The following DNAH7 variants were observed in gnomAD, a reference collection of about 807,000 sequenced individuals.
DNAH7 encodes the protein dynein axonemal heavy chain 7.
Under a neutral mutation model 444.6 loss-of-function variants are expected in DNAH7, and 397 were observed. The observed-to-expected ratio is 0.89, with a 90% confidence interval of 0.82 to 0.97. The LOEUF (loss-of-function observed/expected upper bound fraction) is 0.97, where lower values mean the gene tolerates loss of function less well. Ranked by LOEUF, DNAH7 falls within the 50% of genes least tolerant of loss-of-function variation. The pLI, the probability that DNAH7 is intolerant of heterozygous loss-of-function variation, is 0.00. For missense variants in DNAH7, 4,902 were observed against 4,800.8 expected (o/e 1.02, Z -0.62); for synonymous variants, 1,636 against 1,624.4 (o/e 1.01, Z -0.17).
intron 10 of DNAH7, among the ~76,000 whole-genome samples, chr2:196,002,386 G>C (rs1340903325): frequency 2.6e-5 from 4 of 152,254 alleles, no homozygotes; most frequent in South Asian, 4.1e-4. Context: ...TATCCTGAAA[G>C]AGTGTCTGAT....
chr2:195,979,681 G>A (rs1056184972), intron 15 of DNAH7, among the ~76,000 whole-genome samples: 16 of 151,702 alleles, frequency 1.1e-4, no homozygotes, highest in African/African-American at 3.6e-4. Flanking sequence ...CTGAAAAGTT[G>A]GTTTTATGAA....
intron 3 of DNAH7, among the ~76,000 whole-genome samples, chr2:196,050,386 T>C (rs1397577014): frequency 6.6e-6 from 1 of 152,168 alleles, no homozygotes; most frequent in Non-Finnish European, 1.5e-5. Context: ...GGTTGCTGTT[T>C]AGTCAGATGA....
chr2:196,057,312 T>C (rs1287553557), intron 2 of DNAH7, among the ~76,000 whole-genome samples: 1 of 152,186 alleles, frequency 6.6e-6, no homozygotes, highest in Non-Finnish European at 1.5e-5. Context: ...GAAGAGATTA[T>C]TCAACTCAGC....
chr2:195,987,310 T>A (rs1182376339), intron 13 of DNAH7, 117 bp from the exon 14 acceptor site: 2 of 661,304 alleles, frequency 3.0e-6, no homozygotes, highest in Admixed American at 7.4e-5. Context: ...TTGAGATTTT[T>A]AAAAATATAT....
At chr2:195,907,197 G>C (rs891132188) in intron 25 of DNAH7, among the ~76,000 whole-genome samples, 188 bp from the exon 26 acceptor site, 3 of 151,532 alleles carry the variant, frequency 2.0e-5, no homozygotes, top group South Asian at 4.1e-4. Flanking sequence ...AAAAGAGTTT[G>C]ATCAATTGGA....
chr2:196,021,693 G>A (rs760838189), intron 8 of DNAH7, among the ~76,000 whole-genome samples: 1 of 151,646 alleles, frequency 6.6e-6, no homozygotes, highest in Non-Finnish European at 1.5e-5. Flanking sequence ...ATAGTGATAC[G>A]CACCTGTGGT....
intron 33 of DNAH7, among the ~76,000 whole-genome samples, chr2:195,887,600 A>G (rs1454902667): frequency 6.6e-6 from 1 of 152,096 alleles, no homozygotes; most frequent in African/African-American, 2.4e-5. Flanking sequence ...ATTTTTTGTT[A>G]TATCTTCAAC....
At chr2:195,924,700 TA>T (rs34380102) in intron 22 of DNAH7, among the ~76,000 whole-genome samples, 152,198 of 152,284 alleles carry the variant, frequency 1, 76,056 homozygotes, top group Non-Finnish European at 1. Context: ...GTCCCTCTAG[TA>T]ACTCTCACAT....
intron 17 of DNAH7, among the ~76,000 whole-genome samples, chr2:195,965,136 T>C (rs1425316905): frequency 6.6e-6 from 1 of 152,184 alleles, no homozygotes; most frequent in Non-Finnish European, 1.5e-5. Flanking sequence ...TGTTGAGGTA[T>C]GTTCCTTCAA....
chr2:195,765,596 C>T (rs1694534869), intron 61 of DNAH7, among the ~76,000 whole-genome samples: 1 of 152,086 alleles, frequency 6.6e-6, no homozygotes, highest in Non-Finnish European at 1.5e-5. Context: ...CAAAAGAAGA[C>T]ATACAAATGG....
chr2:195,747,982 C>T (rs572730835), intron 63 of DNAH7, among the ~76,000 whole-genome samples: 9 of 152,080 alleles, frequency 5.9e-5, no homozygotes, highest in African/African-American at 9.7e-5. Context: ...AAGTTCTGGC[C>T]AGGGCAATCA....
chr2:195,865,575 A>G (rs1288416177), intron 40 of DNAH7, among the ~76,000 whole-genome samples: 1 of 152,202 alleles, frequency 6.6e-6, no homozygotes, highest in Non-Finnish European at 1.5e-5. Flanking sequence ...TACAGAGAGC[A>G]ATCTACTAAA....
At chr2:195,878,610 T>C (rs1574645547) in intron 36 of DNAH7, among the ~76,000 whole-genome samples, 1 of 151,940 alleles carries the variant, frequency 6.6e-6, no homozygotes, top group East Asian at 1.9e-4. Flanking sequence ...TCAAAAATAA[T>C]AAAATAATGA....
intron 63 of DNAH7, among the ~76,000 whole-genome samples, chr2:195,754,001 T>C (rs1441814395): frequency 2.0e-5 from 3 of 152,212 alleles, no homozygotes; most frequent in Non-Finnish European, 2.9e-5. Context: ...ATGCTGTTAA[T>C]TTGATGATTA....
chr2:195,754,393 A>G lies in DNAH7; in HGVS notation c.11708T>C (p.Leu3903Pro). The change falls in exon 63 of 65, where the codon CTT (leucine) becomes CCT (proline). Residue 3903 changes from leucine to proline, a missense_variant. Leu to Pro is a moderately conservative substitution (Grantham distance 98). Coordinates refer to ENST00000312428, the MANE Select transcript of DNAH7 (RefSeq NM_018897.3). ...ARKYTIPIDL[L>P]GFDYEVMEDK... is the part of the protein sequence containing the mutation. ...TTCCATCACTTCATAGTCAAACCCA[A>G]GAAGATCAATAGGAATTGTGTATTT... is the stretch of plus-strand genomic sequence containing the variant. The G allele has an allele frequency of 6.2e-7, 1 of 1,614,034 alleles. No homozygotes were observed.
At chr2:195,975,800 A>T (rs1358837625) in intron 15 of DNAH7, among the ~76,000 whole-genome samples, 1 of 152,206 alleles carries the variant, frequency 6.6e-6, no homozygotes, top group East Asian at 1.9e-4. Context: ...ACATTTCTAG[A>T]CACACATGGG....
In DNAH7 at chr2:195,817,878, A is replaced by T. The variant is rs749687077; in HGVS notation, c.9292-49T>A. 1.8e-5 allele frequency: 26 copies of T among 1,424,058 alleles called. No homozygotes were observed. In the South Asian group the frequency reaches 3.4e-4, roughly 19 times the overall value. The allele number at this position is 1,424,058 out of a possible 1,614,324, so 88.2% of individuals were successfully genotyped here. ...AATTACATCATTATTTCTGTTAAAA[A>T]GTCTCTGCTTTTATGTGTCAAGTTC... is the stretch of plus-strand genomic sequence containing the variant. On this transcript the variant is annotated intron_variant, in intron 49 of 64. Coordinates refer to ENST00000312428, the MANE Select transcript of DNAH7 (RefSeq NM_018897.3).
chr2:195,969,884 T>A (rs1691726595), intron 17 of DNAH7, 64 bp downstream of exon 17: 1 of 1,524,486 alleles, frequency 6.6e-7, no homozygotes. Flanking sequence ...GGTGAATAAC[T>A]AAAACGAATT....
In DNAH7 at chr2:195,987,196, G is replaced by A. The variant is rs766534235; in HGVS notation, c.1627-3C>T. On this transcript the variant is annotated splice_region_variant and splice_polypyrimidine_tract_variant and intron_variant, in intron 13 of 64. Transcript: ENST00000312428. ...TCAAACATTCCTAAACGAATAGTCT[G>A]CAAAAGATTAAAAGTTTAATCAACA... 1.3e-6 allele frequency: 2 copies of A among 1,557,536 alleles called. No homozygotes were observed. Among genetic ancestry groups the A allele is most frequent in the Non-Finnish European group, 1.7e-6 (2 of 1,155,018 alleles).
Sources: gnomAD v4.1 joint callset for allele counts (sites outside exome capture counted in the v4.1 genomes callset) on GRCh38, gnomAD v4.1.1 for gene constraint, MANE v1.5 for transcripts, NCBI Gene and HGNC (gene_info 2026-07-23, HGNC 2026-07-21) for gene names.